Variants in SERPINA12 observed in about 807,000 individuals in gnomAD.
SERPINA12 encodes the protein serpin A12.
SERPINA12 carries 21 observed loss-of-function variants against 25.9 expected under a neutral mutation model. The ratio of observed to expected loss-of-function variants is 0.81; its 90% CI spans 0.58 to 1.17. The LOEUF (loss-of-function observed/expected upper bound fraction) is 1.17. Among genes scored for constraint, SERPINA12 ranks in the 50% most tolerant of loss-of-function variants. SERPINA12 has a pLI of 0.00. For missense variants in SERPINA12, 562 were observed against 508.3 expected (o/e 1.11, Z -1.02); for synonymous variants, 220 against 196.0 (o/e 1.12, Z -1.02).
rs778375238 is a variant in SERPINA12 at position 94,496,512 on chromosome 14, A to G, written c.766T>C (p.Ser256Pro). 1.9e-6 allele frequency: 3 copies of G among 1,613,950 alleles called. No individual in the cohort carries two copies. The highest frequency in any genetic ancestry group is 2.5e-6 in the Non-Finnish European group (3 of 1,179,910). ...IYQVGYDDKL[S>P]CTILEIPYQK... is the part of the protein sequence containing the mutation. ...TAGGGTATTTCCAGGATGGTGCAAG[A>G]GAGCTTATCGTCATAGCCAACTTGG... is the stretch of plus-strand genomic sequence containing the variant. The change falls in exon 3 of 5, where the codon TCT (serine) becomes CCT (proline). Residue 256 changes from serine to proline, a missense_variant. Coordinates refer to ENST00000677451, the MANE Select transcript of SERPINA12 (RefSeq NM_001382267.1).
chr14:94,493,279 G>A (rs1206992807), intron 3 of SERPINA12, among the ~76,000 whole-genome samples: 8 of 152,194 alleles, frequency 5.3e-5, no homozygotes, highest in Non-Finnish European at 1.2e-4. Context: ...GTAATTCCCT[G>A]GGGACGGTGA....
At chr14:94,490,510 G>C (rs1432263560) in intron 3 of SERPINA12, among the ~76,000 whole-genome samples, 1 of 151,836 alleles carries the variant, frequency 6.6e-6, no homozygotes, top group African/African-American at 2.4e-5. Context: ...CTGCCTATGT[G>C]TCCTCTCTCT....
rs1951022 is a variant in SERPINA12 at position 94,509,410 on chromosome 14, C to T, written c.-102G>A. Among the ~76,000 whole-genome samples the T allele has an allele frequency of 0.11, 16,840 of 152,038 alleles. 1,151 individuals carry two copies. The highest frequency in any genetic ancestry group is 0.22 in the Middle Eastern group (63 of 292). ...TGGCCTTCCCCAGTTGTTGCTGATC[C>T]CAGCCTCCTAGTCCTTTTTCGGTCC... On this transcript the variant is annotated 5_prime_UTR_variant, in exon 1 of 5. Coordinates refer to ENST00000677451, the MANE Select transcript of SERPINA12 (RefSeq NM_001382267.1).
intron 1 of SERPINA12, among the ~76,000 whole-genome samples, chr14:94,516,594 C>T (rs915847889): frequency 6.6e-6 from 1 of 152,222 alleles, no homozygotes; most frequent in Non-Finnish European, 1.5e-5. Context: ...GCCTTCCAAA[C>T]CAGAAATACC....
At chr14:94,513,610 G>T (rs916839463), upstream of SERPINA12, among the ~76,000 whole-genome samples, 3 of 152,164 alleles carry the variant, frequency 2.0e-5, no homozygotes, top group Admixed American at 6.5e-5. Context: ...ACTGTAAAAG[G>T]TGTGGTGTAA....
intron 4 of SERPINA12, among the ~76,000 whole-genome samples, chr14:94,489,207 AAGAGAGAAAGAG>A (rs958828786): frequency 1.3e-5 from 2 of 151,412 alleles, no homozygotes; most frequent in Non-Finnish European, 2.9e-5. Context: ...AAAAGAAAGA[AAGAGAGAAAGAG>A]AGAGAGAAAG....
At chr14:94,498,536 A>G in intron 1 of SERPINA12, 106 bp from the exon 2 acceptor site, 1 of 924,292 alleles carries the variant, frequency 1.1e-6, no homozygotes, top group Non-Finnish European at 1.6e-6. Context: ...TGTTGTACAT[A>G]GCAGTTTATG....
At chr14:94,515,286 C>T (rs1322737399) in intron 2 of SERPINA12, among the ~76,000 whole-genome samples, 1 of 152,040 alleles carries the variant, frequency 6.6e-6, no homozygotes, top group Non-Finnish European at 1.5e-5. Flanking sequence ...GTCAGAGTGT[C>T]AGGAAGACCT....
chr14:94,507,354 T>A (rs751864347), intron 1 of SERPINA12, among the ~76,000 whole-genome samples: 3 of 152,196 alleles, frequency 2.0e-5, no homozygotes, highest in Non-Finnish European at 4.4e-5. Context: ...TACAAAATGA[T>A]AAATGGAACT....
Position 94,489,149 on chromosome 14 carries a change from G to GAGAA in SERPINA12, c.1053+467_1053+470dup, listed in dbSNP as rs531509590. 5.8e-3 allele frequency among the ~76,000 whole-genome samples: 848 copies of GAGAA among 145,912 alleles called. 9 individuals carry two copies. The highest frequency in any genetic ancestry group is 0.01 in the Admixed American group (145 of 14,344). ...GAAGGAAGGAAGAGAGAGAGAGAGA[G>GAGAA]AGAAAGAAAGAAAGAAAGAAAAAAA... On this transcript the variant is annotated intron_variant, in intron 4 of 4. Transcript: ENST00000677451.
At position 94,489,694 on chromosome 14, in the gene SERPINA12, C is replaced by T. The variant is rs1444765578; in HGVS notation, c.979G>A (p.Gly327Ser). The T allele has an allele frequency of 6.8e-6, 11 of 1,614,142 alleles. No homozygotes were observed. The highest frequency in any genetic ancestry group is 9.3e-6 in the Non-Finnish European group (11 of 1,180,026). Residue 327 changes from glycine (G) to serine (S), a missense_variant, in exon 4 of 5, where the codon GGT (glycine) becomes AGT (serine). Transcript: ENST00000677451. ...FDLKKTLSYIGVSKIFEEHGD... is the reference protein window; with the variant it reads ...FDLKKTLSYISVSKIFEEHGD... The stretch of plus-strand genomic sequence containing the variant: ...TGTTCCTCAAAGATTTTGGAGACAC[C>T]TATGTAGGAGAGAGTCTTCTTCAGG...
intron 1 of SERPINA12, among the ~76,000 whole-genome samples, chr14:94,498,905 C>T (rs976778140): frequency 1.3e-5 from 2 of 152,010 alleles, no homozygotes; most frequent in Non-Finnish European, 2.9e-5. Flanking sequence ...GTGAAGTAGC[C>T]CTGGAGCTGA....
chr14:94,492,877 T>G (rs1383435293), intron 3 of SERPINA12, among the ~76,000 whole-genome samples: 1 of 152,206 alleles, frequency 6.6e-6, no homozygotes, highest in Non-Finnish European at 1.5e-5. Flanking sequence ...GAGCTTTTCC[T>G]CTGGGGAAAT....
Position 94,487,679 on chromosome 14 carries a change from A to C in SERPINA12, c.1054-185T>G, listed in dbSNP as rs150420537. ...ATGCTGGAGAATATTCGACAAGCAG[A>C]TGCCGTGTGAAGGAAAAGATGGTGC... On this transcript the variant is annotated intron_variant, in intron 4 of 4. Transcript: ENST00000677451. Among the ~76,000 whole-genome samples, 3 of 152,300 alleles carry C rather than the reference A, an allele frequency of 2.0e-5. No homozygotes were observed. In the East Asian group the frequency reaches 5.8e-4, roughly 29 times the overall value.
upstream of SERPINA12, among the ~76,000 whole-genome samples, chr14:94,513,993 G>GCGGGC (rs1171794054): frequency 2.0e-5 from 3 of 152,058 alleles, no homozygotes; most frequent in African/African-American, 7.2e-5. Context: ...GCAGCATGGT[G>GCGGGC]CGGGCCTAGA....
chr14:94,498,672 G>A (rs1900579806), intron 1 of SERPINA12, among the ~76,000 whole-genome samples: 1 of 152,146 alleles, frequency 6.6e-6, no homozygotes, highest in African/African-American at 2.4e-5. Flanking sequence ...CCCTCTTTAT[G>A]GAAACAGTGT....
chr14:94,500,906 AGT>A, intron 1 of SERPINA12: 1 of 984,794 alleles, frequency 1.0e-6, no homozygotes, highest in Non-Finnish European at 1.2e-6. Flanking sequence ...AGGACTACTA[AGT>A]AGGCAGGAGT....
chr14:94,487,670 G>A (rs1425580008), intron 4 of SERPINA12, among the ~76,000 whole-genome samples, 176 bp from the exon 5 acceptor site: 2 of 152,118 alleles, frequency 1.3e-5, no homozygotes, highest in African/African-American at 2.4e-5. Flanking sequence ...GAGAATATTC[G>A]ACAAGCAGAT....
intron 2 of SERPINA12, 140 bp from the exon 3 acceptor site, chr14:94,496,783 T>C (rs1900446061): frequency 1.4e-6 from 1 of 695,842 alleles, no homozygotes; most frequent in Non-Finnish European, 2.4e-6. Context: ...CTTGCCCTCA[T>C]GCCATGTCCT....
Sources: gnomAD v4.1 joint callset for allele counts (sites outside exome capture counted in the v4.1 genomes callset) on GRCh38, gnomAD v4.1.1 for gene constraint, MANE v1.5 for transcripts, NCBI Gene and HGNC (gene_info 2026-07-23, HGNC 2026-07-21) for gene names.